CSMD3: variants seen among roughly 807,000 people sequenced by gnomAD.
The protein encoded by CSMD3 is CUB and sushi domain-containing protein 3.
CSMD3 carries 177 observed loss-of-function variants against 435.2 expected under a neutral mutation model. The observed-to-expected ratio is 0.41, with a 90% CI of 0.36 to 0.46. The LOEUF is 0.46. Ranked by LOEUF, CSMD3 falls within the 20% of genes least tolerant of loss-of-function variation. CSMD3 has a pLI of 0.34. For synonymous variants in CSMD3, 1,656 were observed against 1,520.5 expected (o/e 1.09, Z -2.07); for missense variants, 4,265 against 4,504.6 (o/e 0.95, Z 1.52).
chr8:112,913,325 A>G (rs2082480865), intron 10 of CSMD3, among the ~76,000 whole-genome samples: 1 of 151,660 alleles, frequency 6.6e-6, no homozygotes, highest in Admixed American at 6.6e-5. Flanking sequence ...ACAGTTCACA[A>G]TAGGGTTCAC....
chr8:113,202,164 A>G (rs2092722143), intron 3 of CSMD3, among the ~76,000 whole-genome samples: 12 of 152,118 alleles, frequency 7.9e-5, no homozygotes, highest in Admixed American at 7.9e-4. Context: ...AGCAACTTTC[A>G]CTGCACAATG....
intron 4 of CSMD3, among the ~76,000 whole-genome samples, chr8:113,099,576 A>G (rs1416746393): frequency 6.6e-6 from 1 of 152,112 alleles, no homozygotes; most frequent in Non-Finnish European, 1.5e-5. Flanking sequence ...ATATGAAATC[A>G]AACAATGTAT....
chr8:112,783,953 A>G (rs1587283695), intron 13 of CSMD3, among the ~76,000 whole-genome samples: 2 of 152,220 alleles, frequency 1.3e-5, no homozygotes, highest in Admixed American at 6.6e-5. Flanking sequence ...TAAAGCAAAT[A>G]TTAGTGCTAA....
chr8:112,952,705 CAA>C (rs2083867498), intron 8 of CSMD3, among the ~76,000 whole-genome samples: 6 of 150,620 alleles, frequency 4.0e-5, no homozygotes, highest in Non-Finnish European at 8.9e-5. Flanking sequence ...TACTTATCTT[CAA>C]AAAAATGAAA....
intron 7 of CSMD3, among the ~76,000 whole-genome samples, chr8:112,956,227 T>C (rs2084014296): frequency 6.6e-6 from 1 of 152,010 alleles, no homozygotes. Context: ...TAAGATTCTT[T>C]AACTGTGAAT....
intron 5 of CSMD3, among the ~76,000 whole-genome samples, chr8:113,086,941 G>A (rs1369917102): frequency 6.6e-6 from 1 of 152,172 alleles, no homozygotes; most frequent in Non-Finnish European, 1.5e-5. Context: ...AAGGCAAAGT[G>A]TAACCTAGGT....
intron 31 of CSMD3, among the ~76,000 whole-genome samples, chr8:112,481,185 A>G (rs1325222194): frequency 1.3e-5 from 2 of 152,180 alleles, no homozygotes. Flanking sequence ...AAGGAGCAAG[A>G]CAGAAGAATA....
chr8:112,801,608 G>A (rs1387465936), intron 12 of CSMD3, among the ~76,000 whole-genome samples: 2 of 151,812 alleles, frequency 1.3e-5, no homozygotes, highest in African/African-American at 4.8e-5. Context: ...CATATATATT[G>A]TCTATATATA....
At chr8:112,235,791 TA>T (rs1276488605) in intron 67 of CSMD3, among the ~76,000 whole-genome samples, 1 of 152,126 alleles carries the variant, frequency 6.6e-6, no homozygotes, top group African/African-American at 2.4e-5. Context: ...AAGTAATCGA[TA>T]ATATTGCTGA....
intron 1 of CSMD3, among the ~76,000 whole-genome samples, chr8:113,315,264 T>C (rs2093900584): frequency 6.6e-6 from 1 of 152,188 alleles, no homozygotes; most frequent in South Asian, 2.1e-4. Flanking sequence ...ATCTCTACCC[T>C]GTAGCTCACA....
At chr8:112,534,565 G>A (rs1440632701) in intron 27 of CSMD3, among the ~76,000 whole-genome samples, 1 of 152,098 alleles carries the variant, frequency 6.6e-6, no homozygotes, top group African/African-American at 2.4e-5. Flanking sequence ...AAGAGTCCAG[G>A]ACCAGATGGA....
rs540067191 is a variant in CSMD3, at chr8:112,696,514, C to A, written c.1973-6464G>T. Among the ~76,000 whole-genome samples the A allele has an allele frequency of 8.0e-4, 121 of 152,188 alleles. 1 individual carries two copies. The highest frequency in any genetic ancestry group is 2.7e-3 in the African/African-American group (113 of 41,538). On this transcript the variant is annotated intron_variant, in intron 13 of 70. Transcript: ENST00000297405. ...TAATAAATGGTGCTGGGAAAACTGG[C>A]TAGCCATACATAGAAAGCTGAAACT...
chr8:112,448,307 T>C lies in CSMD3; in HGVS notation c.5395+24284A>G, dbSNP rs537401828. Among the ~76,000 whole-genome samples, 14 of 152,240 alleles carry C rather than the reference T, an allele frequency of 9.2e-5. No homozygotes were observed. The South Asian group carries it at 2.9e-3, about 32-fold the overall frequency. On this transcript the variant is annotated intron_variant, in intron 32 of 70. Coordinates refer to ENST00000297405, the MANE Select transcript of CSMD3 (RefSeq NM_198123.2). ...CCTCATTAAACCTTAATCACCTCTT[T>C]AAAGGCCCTATCCCCCAGTTCCATG...
At chr8:112,581,963 G>A (rs1293017027) in intron 23 of CSMD3, among the ~76,000 whole-genome samples, 1 of 152,050 alleles carries the variant, frequency 6.6e-6, no homozygotes, top group Non-Finnish European at 1.5e-5. Flanking sequence ...TATGTAAGCA[G>A]AAGAAATAGC....
At chr8:113,323,616 AC>A (rs2093963572) in intron 1 of CSMD3, among the ~76,000 whole-genome samples, 1 of 152,200 alleles carries the variant, frequency 6.6e-6, no homozygotes, top group East Asian at 1.9e-4. Flanking sequence ...TATCTTTTTC[AC>A]TAAACCAAAA....
intron 13 of CSMD3, among the ~76,000 whole-genome samples, chr8:112,772,396 C>A (rs1277905477): frequency 6.6e-6 from 1 of 152,092 alleles, no homozygotes; most frequent in African/African-American, 2.4e-5. Context: ...TAAACAAATG[C>A]TTGAAGGCAG....
intron 1 of CSMD3, among the ~76,000 whole-genome samples, chr8:113,329,885 A>C (rs1223573642): frequency 6.6e-6 from 1 of 152,166 alleles, no homozygotes; most frequent in African/African-American, 2.4e-5. Flanking sequence ...ACATTTGAAA[A>C]AAATAAAAAC....
chr8:113,108,035 A>G (rs1359576990), intron 4 of CSMD3, among the ~76,000 whole-genome samples: 1 of 152,240 alleles, frequency 6.6e-6, no homozygotes, highest in Non-Finnish European at 1.5e-5. Context: ...AGAATTTCAA[A>G]GAATACATCA....
intron 13 of CSMD3, among the ~76,000 whole-genome samples, chr8:112,782,351 T>C (rs1214607602): frequency 6.6e-6 from 1 of 151,690 alleles, no homozygotes; most frequent in Non-Finnish European, 1.5e-5. Flanking sequence ...GAAGAAACAA[T>C]TAGTGACCTG....
Sources: allele counts gnomAD v4.1 joint callset (sites outside exome capture counted in the v4.1 genomes callset), GRCh38; gene constraint gnomAD v4.1.1; transcripts MANE v1.5; gene names NCBI Gene and HGNC (gene_info 2026-07-23, HGNC 2026-07-21).